Variants in TRAPPC9 observed in about 807,000 individuals in gnomAD.
TRAPPC9 encodes the protein IKK2 binding protein.
TRAPPC9 carries 83 observed loss-of-function variants against 124.0 expected under a neutral mutation model. The observed-to-expected ratio is 0.67, with a 90% CI of 0.56 to 0.80. The LOEUF (loss-of-function observed/expected upper bound fraction) is 0.80, where lower values mean the gene tolerates loss of function less well. Ranked by LOEUF, TRAPPC9 falls within the 30% of genes least tolerant of loss-of-function variation. The pLI is 0.00. For synonymous variants in TRAPPC9, 638 were observed against 617.5 expected (o/e 1.03, Z -0.49); for missense variants, 1,302 against 1,508.3 (o/e 0.86, Z 2.27).
At chr8:140,205,265 A>T (rs1317020540) in intron 17 of TRAPPC9, among the ~76,000 whole-genome samples, 1 of 152,266 alleles carries the variant, frequency 6.6e-6, no homozygotes, top group Non-Finnish European at 1.5e-5. Context: ...CATTTGACAA[A>T]GCAAAAGTTA....
At chr8:140,180,793 G>A (rs1449333887) in intron 17 of TRAPPC9, among the ~76,000 whole-genome samples, 1 of 151,614 alleles carries the variant, frequency 6.6e-6, no homozygotes, top group African/African-American at 2.4e-5. Context: ...GTAATTTGTG[G>A]CTTTTCCTCT....
At chr8:140,051,031 G>C (rs1488032167) in intron 17 of TRAPPC9, among the ~76,000 whole-genome samples, 2 of 152,248 alleles carry the variant, frequency 1.3e-5, no homozygotes, top group African/African-American at 4.8e-5. Flanking sequence ...ATCTCGTACA[G>C]AGAGGGTTTG....
intron 17 of TRAPPC9, among the ~76,000 whole-genome samples, chr8:140,158,453 G>A (rs1027590858): frequency 2.6e-5 from 4 of 152,198 alleles, no homozygotes; most frequent in Non-Finnish European, 5.9e-5. Context: ...AAGCCAGGAG[G>A]GCAGGGAGAC....
chr8:139,803,657 A>T (rs1370213837), intron 21 of TRAPPC9, among the ~76,000 whole-genome samples: 1 of 152,152 alleles, frequency 6.6e-6, no homozygotes, highest in African/African-American at 2.4e-5. Context: ...CTTCCTTCCC[A>T]GTTTACTGGC....
intron 11 of TRAPPC9, among the ~76,000 whole-genome samples, chr8:140,297,918 G>A (rs1483465511): frequency 6.6e-6 from 1 of 152,248 alleles, no homozygotes; most frequent in Non-Finnish European, 1.5e-5. Flanking sequence ...CACACCTACT[G>A]TGCACGTGAG....
In TRAPPC9 at chr8:140,300,578, C is replaced by T; in HGVS notation, c.1659G>A (p.Arg553=). 6.2e-7 allele frequency: 1 copy of T among 1,614,188 alleles called. No individual in the cohort carries two copies. Among genetic ancestry groups the T allele is most frequent in the South Asian group, 1.1e-5 (1 of 91,084 alleles). The change falls in exon 11 of 23, where the codon CGG becomes CGA. Residue 553 remains arginine, a synonymous_variant. Transcript: ENST00000438773. The part of the protein sequence containing the change: ...VKLLNLPASL[R]PHKMKSLLGQ... ...CCAGCAAGCTTTTCATTTTGTGTGG[C>T]CGGAGGCTAGCAGGAAGGTTCAATA...
chr8:140,014,161 C>T (rs1395150841), intron 18 of TRAPPC9, among the ~76,000 whole-genome samples: 3 of 152,152 alleles, frequency 2.0e-5, no homozygotes, highest in African/African-American at 7.2e-5. Context: ...AACGATTACA[C>T]CCCACGCCCC....
intron 20 of TRAPPC9, among the ~76,000 whole-genome samples, chr8:139,906,230 C>T (rs1831354307): frequency 1.3e-5 from 2 of 152,250 alleles, no homozygotes; most frequent in South Asian, 4.1e-4. Flanking sequence ...GGGCCACCTC[C>T]CCAACAACAG....
chr8:140,239,005 A>G (rs1263456274), intron 16 of TRAPPC9, among the ~76,000 whole-genome samples: 1 of 152,026 alleles, frequency 6.6e-6, no homozygotes, highest in Non-Finnish European at 1.5e-5. Flanking sequence ...CGCTGCAGAC[A>G]TAGGGGCTTC....
intron 20 of TRAPPC9, among the ~76,000 whole-genome samples, chr8:139,904,085 C>T (rs1831189644): frequency 6.6e-6 from 1 of 152,114 alleles, no homozygotes; most frequent in Admixed American, 6.6e-5. Flanking sequence ...AGAACACATA[C>T]TATCAGAGCA....
intron 21 of TRAPPC9, among the ~76,000 whole-genome samples, chr8:139,813,066 C>T (rs1824551531): frequency 6.6e-6 from 1 of 152,194 alleles, no homozygotes; most frequent in Non-Finnish European, 1.5e-5. Flanking sequence ...CTGAGCTCTA[C>T]CAGGGAAGGG....
At chr8:140,319,818 C>T (rs2066546405) in intron 9 of TRAPPC9, among the ~76,000 whole-genome samples, 1 of 152,288 alleles carries the variant, frequency 6.6e-6, no homozygotes, top group African/African-American at 2.4e-5. Context: ...CTATATTGTT[C>T]TTACAGAAGG....
At chr8:140,120,705 C>T (rs538516296) in intron 17 of TRAPPC9, among the ~76,000 whole-genome samples, 27 of 151,650 alleles carry the variant, frequency 1.8e-4, no homozygotes, top group Non-Finnish European at 3.4e-4. Flanking sequence ...ATCCAACATC[C>T]ATCCAACAAC....
intron 8 of TRAPPC9, among the ~76,000 whole-genome samples, chr8:140,361,595 T>C (rs1041925127): frequency 6.6e-6 from 1 of 152,244 alleles, no homozygotes; most frequent in Non-Finnish European, 1.5e-5. Flanking sequence ...TCAATGAATA[T>C]AATGTGGTTA....
At chr8:139,919,200 G>T (rs911129101) in intron 19 of TRAPPC9, among the ~76,000 whole-genome samples, 2 of 152,182 alleles carry the variant, frequency 1.3e-5, no homozygotes, top group African/African-American at 4.8e-5. Context: ...GGACTGGAGC[G>T]CAACCCTCTT....
chr8:140,248,169 C>G (rs1158154073), intron 16 of TRAPPC9, among the ~76,000 whole-genome samples: 1 of 152,156 alleles, frequency 6.6e-6, no homozygotes, highest in African/African-American at 2.4e-5. Flanking sequence ...ACACTGTATT[C>G]TGTGTTTGGG....
At position 139,887,429 on chromosome 8, in the gene TRAPPC9, G is replaced by A. The variant is rs190105327; in HGVS notation, c.2965-1460C>T. Among the ~76,000 whole-genome samples, 17 of 152,060 alleles carry A rather than the reference G, an allele frequency of 1.1e-4. No individual in the cohort carries two copies. The East Asian group carries it at 3.3e-3, about 29-fold the overall frequency. ...GTAGAGATGGGGTTTCACCATGTTGGCCCAGGCTGGTCTTGAACTCCTGAC... is the reference window on the plus strand; with the variant it reads ...GTAGAGATGGGGTTTCACCATGTTGACCCAGGCTGGTCTTGAACTCCTGAC... On this transcript the variant is annotated intron_variant, in intron 20 of 22. Transcript: ENST00000438773.
chr8:139,843,977 T>C (rs1826902384), intron 21 of TRAPPC9, among the ~76,000 whole-genome samples: 1 of 152,232 alleles, frequency 6.6e-6, no homozygotes, highest in South Asian at 2.1e-4. Context: ...TCTCTAGCTA[T>C]TCCTTGGCAA....
In TRAPPC9 at chr8:140,073,528, C is replaced by G. The variant is rs140087998; in HGVS notation, c.2557-49449G>C. On this transcript the variant is annotated intron_variant, in intron 17 of 22. Transcript: ENST00000438773. ...AAAAACATCAGAACTGAGGACACCT[C>G]TAGTTAGCGTATGGGGATTAACCTA... Among the ~76,000 whole-genome samples the G allele has an allele frequency of 9.2e-5, 14 of 152,286 alleles. No individual in the cohort carries two copies. The East Asian group carries it at 1.9e-3, about 21-fold the overall frequency.
Sources: allele counts gnomAD v4.1 joint callset (sites outside exome capture counted in the v4.1 genomes callset), GRCh38; gene constraint gnomAD v4.1.1; transcripts MANE v1.5; gene names NCBI Gene and HGNC (gene_info 2026-07-23, HGNC 2026-07-21).